Variants in SLC2A12 observed in about 807,000 individuals in gnomAD.
SLC2A12 encodes solute carrier family 2 member 12, also known as solute carrier family 2, facilitated glucose transporter member 12.
A neutral mutation model predicts 41.8 loss-of-function variants in SLC2A12; 23 were observed. That is an observed-to-expected ratio of 0.55 (90% CI 0.40 to 0.78). The LOEUF is 0.78. Ranked by LOEUF, SLC2A12 falls within the 30% of genes least tolerant of loss-of-function variation. The pLI, the probability that SLC2A12 is intolerant of heterozygous loss-of-function variation, is 0.00. For missense variants in SLC2A12, 654 were observed against 745.6 expected (o/e 0.88, Z 1.43); for synonymous variants, 295 against 285.9 (o/e 1.03, Z -0.32).
intron 3 of SLC2A12, among the ~76,000 whole-genome samples, chr6:134,004,520 T>G (rs1776787545): frequency 6.6e-6 from 1 of 152,214 alleles, no homozygotes; most frequent in South Asian, 2.1e-4. Flanking sequence ...TTTTTGAAAA[T>G]TGTATCTATA....
At position 134,029,688 on chromosome 6, in the gene SLC2A12, G is replaced by A. The variant is rs373642475; in HGVS notation, c.137C>T (p.Thr46Ile). ...CACCAGGAGGCCACTGACAGCAGCAGTGACAGATGACAGGAAGGTAAACAT... is the reference window on the plus strand; with the variant it reads ...CACCAGGAGGCCACTGACAGCAGCAATGACAGATGACAGGAAGGTAAACAT... The part of the protein sequence containing the change: ...CGMFTFLSSV[T>I]AAVSGLLVGY... The change falls in exon 2 of 5, where the codon ACT becomes ATT. Residue 46 changes from threonine (T) to isoleucine (I), a missense_variant. By Grantham distance (89) the Thr-to-Ile change is moderately conservative. Around this residue, in one of 3 missense-constraint regions of SLC2A12, gnomAD observed 109 missense variants for 153.0 expected, o/e 0.71. Coordinates refer to ENST00000275230, the MANE Select transcript of SLC2A12 (RefSeq NM_145176.3). The A allele has an allele frequency of 1.7e-5, 28 of 1,606,924 alleles. No individual in the cohort carries two copies. The highest frequency in any genetic ancestry group is 2.3e-5 in the Non-Finnish European group (27 of 1,178,432).
chr6:134,047,454 C>T (rs7770167), intron 1 of SLC2A12, among the ~76,000 whole-genome samples: 4,555 of 152,166 alleles, frequency 0.03, 225 homozygotes, highest in African/African-American at 0.1. Context: ...TCCTACATAC[C>T]TACAGCAATT....
intron 1 of SLC2A12, among the ~76,000 whole-genome samples, chr6:134,051,237 G>A (rs1052719972): frequency 1.3e-5 from 2 of 152,078 alleles, no homozygotes; most frequent in Non-Finnish European, 2.9e-5. Flanking sequence ...CATTCTTGAC[G>A]AGAAGTGTGA....
At chr6:134,001,756 GAAAAA>G (rs34905108) in intron 4 of SLC2A12, among the ~76,000 whole-genome samples, 1 of 101,090 alleles carries the variant, frequency 9.9e-6, no homozygotes, top group African/African-American at 3.5e-5. Flanking sequence ...TTTGTAGTTT[GAAAAA>G]AAAAAAAAAA....
intron 2 of SLC2A12, among the ~76,000 whole-genome samples, chr6:134,012,302 C>T (rs1776897692): frequency 6.6e-6 from 1 of 151,968 alleles, no homozygotes. Context: ...TAGTCAAAAC[C>T]AACTGAAATG....
intron 2 of SLC2A12, among the ~76,000 whole-genome samples, chr6:134,012,985 A>G (rs932091828): frequency 1.3e-5 from 2 of 152,104 alleles, no homozygotes; most frequent in Non-Finnish European, 2.9e-5. Context: ...TTAGAAAGTA[A>G]ATAAATAAAT....
intron 2 of SLC2A12, 99 bp downstream of exon 2, chr6:134,028,282 T>C: frequency 6.9e-7 from 1 of 1,449,834 alleles, no homozygotes; most frequent in Non-Finnish European, 9.2e-7. Flanking sequence ...TGACCAATGT[T>C]ATCCTTGTCT....
chr6:134,005,124 G>A (rs555435281), intron 3 of SLC2A12, among the ~76,000 whole-genome samples: 12 of 152,252 alleles, frequency 7.9e-5, no homozygotes, highest in African/African-American at 2.2e-4. Context: ...AAAACAAGGC[G>A]AATGCTTCTG....
At chr6:133,997,517 G>A (rs1776710973) in intron 4 of SLC2A12, among the ~76,000 whole-genome samples, 1 of 152,130 alleles carries the variant, frequency 6.6e-6, no homozygotes, top group Non-Finnish European at 1.5e-5. Context: ...GATGGAGCTG[G>A]AGGCCATTTT....
At position 134,006,817 on chromosome 6, in the gene SLC2A12, A is replaced by G. The variant is rs1438445199; in HGVS notation, c.1562T>C (p.Val521Ala). ...NLLISLTFLT[V>A]TDLIGLPWVC... ...GGAAAACAAAGACTTCTTACCAGTT[A>G]CAGTCAAAAATGTCAGCGAGATGAG... Residue 521 changes from valine (V) to alanine (A), a missense_variant, in exon 3 of 5, where the codon GTA becomes GCA. This residue lies in a region of SLC2A12 where 134 missense variants were observed against 180.5 expected (regional missense o/e 0.74). Transcript: ENST00000275230. The G allele has an allele frequency of 6.2e-7, 1 of 1,613,970 alleles. No homozygotes were observed. Among genetic ancestry groups the G allele is most frequent in the Non-Finnish European group, 8.5e-7 (1 of 1,179,992 alleles).
chr6:133,998,054 T>A (rs917761270), intron 4 of SLC2A12, among the ~76,000 whole-genome samples: 1 of 152,210 alleles, frequency 6.6e-6, no homozygotes, highest in Non-Finnish European at 1.5e-5. Flanking sequence ...AATTTATAAC[T>A]TTCTTGGAGA....
chr6:133,990,951 T>C lies in SLC2A12; in HGVS notation c.*204A>G. ...TATCCTGCTCAGAAAAAGAGATCAC[T>C]TAGGACCTTGTACCTCATCTACCTT... On this transcript the variant is annotated 3_prime_UTR_variant, in exon 5 of 5. Coordinates refer to ENST00000275230, the MANE Select transcript of SLC2A12 (RefSeq NM_145176.3). 1.8e-6 allele frequency: 1 copy of C among 550,872 alleles called. No individual in the cohort carries two copies. The highest frequency in any genetic ancestry group is 2.9e-5 in the East Asian group (1 of 34,270). 34.1% of individuals were successfully genotyped at this position (550,872 alleles called of 1,614,324 possible).
intron 1 of SLC2A12, among the ~76,000 whole-genome samples, chr6:134,047,969 A>G (rs541654682): frequency 2.0e-4 from 30 of 152,290 alleles, no homozygotes; most frequent in Middle Eastern, 6.8e-3. Context: ...GGTCTGTGGC[A>G]ACCTCTCTGC....
chr6:134,036,593 C>A (rs1777303116), intron 1 of SLC2A12, among the ~76,000 whole-genome samples: 2 of 152,168 alleles, frequency 1.3e-5, no homozygotes, highest in Admixed American at 1.3e-4. Flanking sequence ...TCACCGCTAG[C>A]CTTCTGGCAC....
chr6:134,033,485 CTA>C (rs1424741608), intron 1 of SLC2A12, among the ~76,000 whole-genome samples: 2 of 151,930 alleles, frequency 1.3e-5, no homozygotes, highest in East Asian at 1.9e-4. Flanking sequence ...TTCATTTTTT[CTA>C]TGTTTGCTGT....
At chr6:134,022,567 AG>A (rs1554207252) in intron 2 of SLC2A12, among the ~76,000 whole-genome samples, 2 of 85,372 alleles carry the variant, frequency 2.3e-5, no homozygotes, top group South Asian at 2.9e-4. Context: ...AGAAAAGAAA[AG>A]AAAAGAAAAG....
chr6:134,014,085 T>C (rs1312463443), intron 2 of SLC2A12, among the ~76,000 whole-genome samples: 1 of 152,182 alleles, frequency 6.6e-6, no homozygotes, highest in African/African-American at 2.4e-5. Context: ...CCCAACCTTT[T>C]TGGCACCAGG....
intron 1 of SLC2A12, among the ~76,000 whole-genome samples, chr6:134,032,463 TA>T: frequency 8.2e-5 from 3 of 36,456 alleles, no homozygotes; most frequent in Non-Finnish European, 1.7e-4. Flanking sequence ...TATATATATA[TA>T]TTTTTATATA....
At chr6:134,050,478 T>G (rs1333109015) in intron 1 of SLC2A12, among the ~76,000 whole-genome samples, 1 of 152,260 alleles carries the variant, frequency 6.6e-6, no homozygotes, top group Non-Finnish European at 1.5e-5. Context: ...AGTTGAATTT[T>G]GTGCATGTAA....
Sources: allele counts gnomAD v4.1 joint callset (sites outside exome capture counted in the v4.1 genomes callset), GRCh38; gene constraint gnomAD v4.1.1; regional missense constraint gnomAD v4.1.1; transcripts MANE v1.5; gene names NCBI Gene and HGNC (gene_info 2026-07-23, HGNC 2026-07-21).